The following GOLM2 variants were observed in gnomAD, a reference collection of about 807,000 sequenced individuals.
GOLM2 encodes the protein protein GOLM2.
In GOLM2, 26 loss-of-function variants were observed where a neutral mutation model predicts 55.9. The observed-to-expected ratio is 0.47, with a 90% CI of 0.34 to 0.65. GOLM2 has a LOEUF of 0.65. GOLM2 is among the 30% of genes least tolerant of loss of function. The pLI is 0.01. For synonymous variants in GOLM2, 165 were observed against 194.6 expected (o/e 0.85, Z 1.27); for missense variants, 486 against 531.8 (o/e 0.91, Z 0.85).
intron 8 of GOLM2, among the ~76,000 whole-genome samples, chr15:44,396,024 CAGACA>C (rs971077411): frequency 1.3e-5 from 2 of 151,950 alleles, no homozygotes; most frequent in African/African-American, 4.8e-5. Context: ...ATAATACAGA[CAGACA>C]AAAGTAAAGA....
chr15:44,353,353 G>C (rs2079177152), intron 6 of GOLM2, among the ~76,000 whole-genome samples: 1 of 152,126 alleles, frequency 6.6e-6, no homozygotes, highest in Admixed American at 6.6e-5. Flanking sequence ...TAAAAATAGA[G>C]CTACCATATG....
intron 7 of GOLM2, 80 bp from the exon 8 acceptor site, chr15:44,380,726 C>A: frequency 1.0e-6 from 1 of 974,312 alleles, no homozygotes. Context: ...TCTTAGCTTT[C>A]TAAAGCAGAT....
intron 6 of GOLM2, among the ~76,000 whole-genome samples, chr15:44,350,099 T>C (rs914095860): frequency 2.6e-5 from 4 of 151,310 alleles, no homozygotes; most frequent in African/African-American, 9.7e-5. Context: ...AAAGCAAGAG[T>C]AAACCAAACC....
At chr15:44,339,393 C>T (rs762843112) in intron 6 of GOLM2, among the ~76,000 whole-genome samples, 1 of 151,990 alleles carries the variant, frequency 6.6e-6, no homozygotes, top group Admixed American at 6.6e-5. Context: ...GGCTGGAGTG[C>T]GGTGGCGTGA....
chr15:44,312,469 G>T (rs2141121606), intron 1 of GOLM2, among the ~76,000 whole-genome samples: 1 of 152,084 alleles, frequency 6.6e-6, no homozygotes, highest in South Asian at 2.1e-4. Context: ...ACCTACATCT[G>T]TACCCATCTG....
intron 8 of GOLM2, among the ~76,000 whole-genome samples, chr15:44,399,264 G>C (rs968636182): frequency 6.6e-6 from 1 of 152,050 alleles, no homozygotes; most frequent in South Asian, 2.1e-4. Context: ...TGCAAAGTTT[G>C]TCTGATCTCC....
chr15:44,365,750 C>T (rs1188665375), intron 6 of GOLM2, among the ~76,000 whole-genome samples: 1 of 152,024 alleles, frequency 6.6e-6, no homozygotes, highest in Non-Finnish European at 1.5e-5. Flanking sequence ...TGCTCTGATA[C>T]TATAATGGGG....
intron 6 of GOLM2, among the ~76,000 whole-genome samples, chr15:44,362,827 A>C (rs2079251466): frequency 6.6e-6 from 1 of 152,266 alleles, no homozygotes; most frequent in African/African-American, 2.4e-5. Context: ...ACAGCATGGT[A>C]CTGATACCAA....
At chr15:44,395,487 C>CT (rs1295552693) in intron 8 of GOLM2, among the ~76,000 whole-genome samples, 1 of 151,110 alleles carries the variant, frequency 6.6e-6, no homozygotes, top group Non-Finnish European at 1.5e-5. Context: ...ATGTTATTCT[C>CT]TTATTTTCTA....
intron 6 of GOLM2, among the ~76,000 whole-genome samples, chr15:44,349,120 G>A (rs183894815): frequency 6.6e-5 from 10 of 151,936 alleles, no homozygotes; most frequent in Admixed American, 3.9e-4. Flanking sequence ...TTAGTGGGAC[G>A]TGGTGGTGCA....
chr15:44,313,003 C>G (rs749299218), intron 1 of GOLM2, among the ~76,000 whole-genome samples: 2 of 151,996 alleles, frequency 1.3e-5, no homozygotes, highest in African/African-American at 4.8e-5. Context: ...CATTTGAACT[C>G]AGGAGGCGGA....
chr15:44,356,246 A>T (rs960032696), intron 6 of GOLM2, among the ~76,000 whole-genome samples: 2 of 152,188 alleles, frequency 1.3e-5, no homozygotes, highest in East Asian at 3.8e-4. Context: ...ACAGAAGTCA[A>T]TAAAATTAAA....
chr15:44,368,891 G>T (rs1338046825), intron 6 of GOLM2, among the ~76,000 whole-genome samples: 1 of 148,836 alleles, frequency 6.7e-6, no homozygotes, highest in Admixed American at 6.8e-5. Flanking sequence ...TAATTTTATT[G>T]TATACTTTAT....
chr15:44,341,856 G>A (rs767208153), intron 6 of GOLM2, among the ~76,000 whole-genome samples: 71 of 151,658 alleles, frequency 4.7e-4, no homozygotes, highest in South Asian at 2.1e-3. Context: ...CACCACGCCC[G>A]GCTAATTTTT....
chr15:44,390,298 A>T (rs1267859585), intron 8 of GOLM2: 2 of 152,260 alleles, frequency 1.3e-5, no homozygotes, highest in African/African-American at 4.8e-5. Context: ...CATGTTTGCC[A>T]GCTAGGAGGG....
chr15:44,370,239 C>T (rs2079321096), intron 6 of GOLM2, among the ~76,000 whole-genome samples: 1 of 152,166 alleles, frequency 6.6e-6, no homozygotes, highest in African/African-American at 2.4e-5. Context: ...ATCTTTCAGT[C>T]CAGTGAAGTT....
intron 6 of GOLM2, among the ~76,000 whole-genome samples, chr15:44,348,031 T>C (rs934494023): frequency 6.6e-6 from 1 of 152,132 alleles, no homozygotes; most frequent in African/African-American, 2.4e-5. Flanking sequence ...TAAAGAGCCC[T>C]TGGGCCCTGA....
At chr15:44,303,820 C>T (rs1007595747) in intron 1 of GOLM2, among the ~76,000 whole-genome samples, 4 of 150,324 alleles carry the variant, frequency 2.7e-5, no homozygotes, top group Non-Finnish European at 5.9e-5. Flanking sequence ...AACGCAACTT[C>T]CACCTCCCAG....
chr15:44,333,424 A>G (rs1255389057), intron 4 of GOLM2, among the ~76,000 whole-genome samples: 8 of 152,194 alleles, frequency 5.3e-5, no homozygotes, highest in Non-Finnish European at 1.2e-4. Context: ...ATAGTAGGAT[A>G]TAGAGGGTGT....
Sources: gnomAD v4.1 joint callset for allele counts (sites outside exome capture counted in the v4.1 genomes callset) on GRCh38, gnomAD v4.1.1 for gene constraint, MANE v1.5 for transcripts, NCBI Gene and HGNC (gene_info 2026-07-23, HGNC 2026-07-21) for gene names.